Variants in ZBTB37 observed in about 807,000 individuals in gnomAD.
ZBTB37 encodes zinc finger and BTB domain-containing protein 37.
A neutral mutation model predicts 37.7 loss-of-function variants in ZBTB37; 15 were observed. The ratio of observed to expected loss-of-function variants is 0.40; its 90% CI spans 0.27 to 0.61. ZBTB37 has a LOEUF of 0.61. ZBTB37 is among the 20% of genes least tolerant of loss of function. ZBTB37 has a pLI of 0.44. For missense variants in ZBTB37, 514 were observed against 641.9 expected, an observed-to-expected ratio of 0.80 and a Z score of 2.15; for synonymous variants, 231 against 220.6, an observed-to-expected ratio of 1.05 and a Z score of -0.42.
In ZBTB37 at chr1:173,873,413, A is replaced by G. The variant is rs1655700440; in HGVS notation, c.924-54A>G. 6 of 1,504,610 alleles carry G rather than the reference A, an allele frequency of 4.0e-6. No individual in the cohort carries two copies. The Admixed American group carries it at 8.8e-5, about 22-fold the overall frequency. The allele number at this position is 1,504,610 out of a possible 1,614,324, so 93.2% of individuals were successfully genotyped here. A position where few individuals can be genotyped will look rare whatever the true frequency, so the allele number is the denominator to read the frequency against. ...AAGAGGGGCGACATCACCATTTTTC[A>G]GGTTCTTTGATGCTGCTTTTGTATT... On this transcript the variant is annotated intron_variant, in intron 3 of 4. Coordinates refer to ENST00000427304, the Ensembl canonical transcript of ZBTB37.
chr1:173,878,085 T>A (rs1411308063), intron 4 of ZBTB37, among the ~76,000 whole-genome samples: 1 of 152,216 alleles, frequency 6.6e-6, no homozygotes, highest in Non-Finnish European at 1.5e-5. Flanking sequence ...ATTAAACTAT[T>A]TCTCTTTCTG....
exon 3 of ZBTB37, chr1:173,870,710 C>T: frequency 6.2e-7 from 1 of 1,614,180 alleles, no homozygotes; most frequent in Non-Finnish European, 8.5e-7. Flanking sequence ...CTCAACCGCT[C>T]CCTTAGCCCA....
chr1:173,896,029 T>C (rs1004806275), exon 4 of ZBTB37: 2 of 152,176 alleles, frequency 1.3e-5, no homozygotes, highest in Non-Finnish European at 2.9e-5. Context: ...TCTCTGTTCC[T>C]AGGTCAGGCC....
intron 4 of ZBTB37, among the ~76,000 whole-genome samples, chr1:173,882,536 A>G (rs1273351272): frequency 6.6e-6 from 1 of 152,010 alleles, no homozygotes; most frequent in Non-Finnish European, 1.5e-5. Context: ...CACTGTGCCC[A>G]GCCCTGATGG....
chr1:173,881,107 CT>C (rs1656277481), intron 4 of ZBTB37, among the ~76,000 whole-genome samples: 1 of 152,134 alleles, frequency 6.6e-6, no homozygotes, highest in Non-Finnish European at 1.5e-5. Context: ...CTCCCCCCTC[CT>C]CCCACCCCAC....
intron 3 of ZBTB37, among the ~76,000 whole-genome samples, chr1:173,872,025 CAGTT>C (rs1655599755): frequency 6.6e-6 from 1 of 152,178 alleles, no homozygotes; most frequent in Non-Finnish European, 1.5e-5. Context: ...CACAGAGATT[CAGTT>C]AGTGTATACT....
chr1:173,892,594 G>A (rs972309047), exon 4 of ZBTB37: 3 of 152,178 alleles, frequency 2.0e-5, no homozygotes, highest in African/African-American at 7.2e-5. Context: ...TAGGCAGGCT[G>A]TCTTTCTCCT....
exon 4 of ZBTB37, chr1:173,896,975 C>T (rs866330668): frequency 6.6e-6 from 1 of 152,136 alleles, no homozygotes. Flanking sequence ...TATGGCATTT[C>T]TAATATTTTT....
At chr1:173,880,917 T>C (rs983478699) in intron 4 of ZBTB37, among the ~76,000 whole-genome samples, 8 of 152,186 alleles carry the variant, frequency 5.3e-5, no homozygotes, top group African/African-American at 1.4e-4. Flanking sequence ...TGGTATGATA[T>C]TACCTTCCTT....
At chr1:173,879,873 C>T (rs189540021) in intron 4 of ZBTB37, among the ~76,000 whole-genome samples, 1 of 152,146 alleles carries the variant, frequency 6.6e-6, no homozygotes. Flanking sequence ...ATCACTTGAA[C>T]CTGGGAGGCA....
intron 4 of ZBTB37, among the ~76,000 whole-genome samples, chr1:173,878,441 G>A (rs1339500778): frequency 6.6e-6 from 1 of 152,168 alleles, no homozygotes; most frequent in African/African-American, 2.4e-5. Context: ...GAAGGAAGGG[G>A]AAAGAGTCAG....
intron 4 of ZBTB37, among the ~76,000 whole-genome samples, chr1:173,875,791 A>G (rs1655933179): frequency 6.6e-6 from 1 of 151,934 alleles, no homozygotes; most frequent in Non-Finnish European, 1.5e-5. Flanking sequence ...AGTAGCTGGA[A>G]CCACAGATGC....
At chr1:173,882,667 G>C (rs1466834420) in intron 4 of ZBTB37, among the ~76,000 whole-genome samples, 1 of 152,180 alleles carries the variant, frequency 6.6e-6, no homozygotes, top group Non-Finnish European at 1.5e-5. Context: ...CCCATGCCCT[G>C]AATGGTATTG....
intron 2 of ZBTB37, among the ~76,000 whole-genome samples, chr1:173,869,780 A>G (rs928020601): frequency 7.2e-5 from 11 of 152,250 alleles, no homozygotes; most frequent in African/African-American, 4.8e-5. Flanking sequence ...ATATCAAGCT[A>G]TGTAGAATTG....
intron 3 of ZBTB37, among the ~76,000 whole-genome samples, chr1:173,872,752 G>A (rs901482123): frequency 2.0e-5 from 3 of 152,004 alleles, no homozygotes; most frequent in African/African-American, 7.2e-5. Context: ...TCACACCTGT[G>A]ATCCCAGCAC....
At chr1:173,871,125 G>A (rs747960852) in exon 3 of ZBTB37, 4 of 1,607,320 alleles carry the variant, frequency 2.5e-6, no homozygotes, top group East Asian at 4.5e-5. Context: ...AGGTGGCTCG[G>A]CCAACAAGCA....
chr1:173,870,858 T>A (rs1249077248), exon 3 of ZBTB37: 8 of 1,614,206 alleles, frequency 5.0e-6, no homozygotes, highest in Non-Finnish European at 6.8e-6. Context: ...GGGAGCCCAT[T>A]CTTCGGATCA....
chr1:173,882,595 T>C (rs543577097), intron 4 of ZBTB37, among the ~76,000 whole-genome samples: 1 of 152,226 alleles, frequency 6.6e-6, no homozygotes. Context: ...AGATCCCGTT[T>C]GTCTATTTTG....
chr1:173,893,713 A>G (rs1191360062), exon 4 of ZBTB37: 1 of 152,232 alleles, frequency 6.6e-6, no homozygotes, highest in Non-Finnish European at 1.5e-5. Flanking sequence ...GCACAGTTCT[A>G]TGTGCTTCAC....
Sources: gnomAD v4.1 joint callset for allele counts (sites outside exome capture counted in the v4.1 genomes callset) on GRCh38, gnomAD v4.1.1 for gene constraint, MANE v1.5 for transcripts, NCBI Gene and HGNC (gene_info 2026-07-23, HGNC 2026-07-21) for gene names.